Variants in HEATR5A observed in about 807,000 individuals in gnomAD.
The protein encoded by HEATR5A is HEAT repeat containing 5A.
In HEATR5A, 178 loss-of-function variants were observed where a neutral mutation model predicts 218.8. The ratio of observed to expected loss-of-function variants is 0.81; its 90% CI spans 0.72 to 0.92. The LOEUF (loss-of-function observed/expected upper bound fraction) is 0.92. HEATR5A is among the 40% of genes least tolerant of loss of function. HEATR5A has a pLI of 0.00. For missense variants in HEATR5A, 2,420 were observed against 2,418.9 expected (o/e 1.00, Z -0.01); for synonymous variants, 864 against 871.6 (o/e 0.99, Z 0.15).
intron 22 of HEATR5A, among the ~76,000 whole-genome samples, chr14:31,326,864 C>G (rs565762056): frequency 1.8e-4 from 28 of 151,748 alleles, no homozygotes; most frequent in African/African-American, 5.3e-4. Flanking sequence ...AGGCTGGTCT[C>G]AAATTCCTGA....
chr14:31,384,216 G>T (rs991499544), intron 9 of HEATR5A, among the ~76,000 whole-genome samples: 1 of 152,124 alleles, frequency 6.6e-6, no homozygotes, highest in Admixed American at 6.6e-5. Flanking sequence ...GCCAAGGCAG[G>T]CAGACTGCCT....
chr14:31,307,381 C>T (rs1284221550), intron 30 of HEATR5A, among the ~76,000 whole-genome samples: 1 of 152,170 alleles, frequency 6.6e-6, no homozygotes, highest in Non-Finnish European at 1.5e-5. Context: ...TACAGGAACC[C>T]TTTTCCCATG....
intron 1 of HEATR5A, among the ~76,000 whole-genome samples, chr14:31,406,138 T>G (rs2031052316): frequency 6.6e-6 from 1 of 152,190 alleles, no homozygotes; most frequent in African/African-American, 2.4e-5. Context: ...GAATACAAAT[T>G]CAGTCAATGT....
chr14:31,409,507 C>G (rs557775214), intron 1 of HEATR5A, among the ~76,000 whole-genome samples: 1 of 152,098 alleles, frequency 6.6e-6, no homozygotes, highest in Non-Finnish European at 1.5e-5. Flanking sequence ...CATGACCAAC[C>G]TGGGCAACAT....
intron 33 of HEATR5A, among the ~76,000 whole-genome samples, chr14:31,300,991 G>C (rs540012439): frequency 2.6e-5 from 4 of 152,176 alleles, no homozygotes; most frequent in African/African-American, 9.6e-5. Flanking sequence ...AATTCTTAAC[G>C]TAATAATCAC....
intron 16 of HEATR5A, among the ~76,000 whole-genome samples, chr14:31,356,072 C>T (rs1901416111): frequency 6.6e-6 from 1 of 152,136 alleles, no homozygotes; most frequent in African/African-American, 2.4e-5. Context: ...AAGCAAACAG[C>T]CTGATATTTT....
At chr14:31,401,253 AG>A (rs1329226665) in intron 2 of HEATR5A, among the ~76,000 whole-genome samples, 2 of 152,052 alleles carry the variant, frequency 1.3e-5, no homozygotes, top group East Asian at 3.8e-4. Flanking sequence ...GATTAGATCA[AG>A]GGGGTGGATT....
intron 22 of HEATR5A, among the ~76,000 whole-genome samples, chr14:31,329,767 C>A (rs917742370): frequency 6.6e-6 from 1 of 152,180 alleles, no homozygotes; most frequent in African/African-American, 2.4e-5. Flanking sequence ...GTCTAGAGTG[C>A]AATGGCATGG....
intron 1 of HEATR5A, among the ~76,000 whole-genome samples, chr14:31,412,102 C>T (rs1441903716): frequency 3.9e-5 from 6 of 152,028 alleles, no homozygotes; most frequent in East Asian, 1.9e-4. Flanking sequence ...GTGATCTGCC[C>T]GTCTTGGCCT....
At chr14:31,360,435 T>A (rs1359756707) in intron 14 of HEATR5A, among the ~76,000 whole-genome samples, 1 of 152,160 alleles carries the variant, frequency 6.6e-6, no homozygotes. Flanking sequence ...AGTTCATAAG[T>A]GGTATTGTGT....
At chr14:31,388,276 A>AG (rs1347948687) in intron 7 of HEATR5A, among the ~76,000 whole-genome samples, 1 of 152,188 alleles carries the variant, frequency 6.6e-6, no homozygotes, top group Non-Finnish European at 1.5e-5. Context: ...CAAAAATACA[A>AG]GTTTGCTTTG....
chr14:31,313,330 T>A (rs1899816262), intron 27 of HEATR5A, 140 bp from the exon 28 acceptor site: 1 of 646,014 alleles, frequency 1.5e-6, no homozygotes, highest in Admixed American at 2.9e-5. Context: ...AGAAGGCCTG[T>A]CTGTGTAACT....
At chr14:31,361,393 T>G (rs1595137094) in intron 14 of HEATR5A, among the ~76,000 whole-genome samples, 2 of 152,162 alleles carry the variant, frequency 1.3e-5, no homozygotes, top group South Asian at 4.1e-4. Flanking sequence ...TGGACAGGGA[T>G]CAGTGAAGTC....
intron 13 of HEATR5A, among the ~76,000 whole-genome samples, chr14:31,367,569 ATTTTTTT>A (rs567217496): frequency 3.3e-5 from 2 of 60,296 alleles, no homozygotes; most frequent in East Asian, 5.9e-4. Context: ...TGCCCAGCTA[ATTTTTTT>A]TTTTTTTTTT....
intron 24 of HEATR5A, 145 bp from the exon 25 acceptor site, chr14:31,321,825 A>G (rs1162973891): frequency 6.3e-6 from 4 of 636,776 alleles, no homozygotes; most frequent in Non-Finnish European, 1.1e-5. Context: ...TTTGTTAAAT[A>G]GAGACTTTAA....
At chr14:31,364,351 A>G in intron 13 of HEATR5A, 53 bp from the exon 14 acceptor site, 1 of 786,554 alleles carries the variant, frequency 1.3e-6, no homozygotes, top group Middle Eastern at 3.2e-4. Flanking sequence ...ATAACAATAT[A>G]CAAAAATTGA....
chr14:31,373,820 C>T (rs906459748), intron 12 of HEATR5A, among the ~76,000 whole-genome samples: 2 of 151,958 alleles, frequency 1.3e-5, no homozygotes, highest in Non-Finnish European at 2.9e-5. Context: ...GCATCTGCCC[C>T]CAGTGAGAGA....
At chr14:31,397,952 T>A (rs745888618) in intron 4 of HEATR5A, among the ~76,000 whole-genome samples, 3 of 152,180 alleles carry the variant, frequency 2.0e-5, no homozygotes, top group Admixed American at 6.5e-5. Flanking sequence ...CATGTCCATG[T>A]TTTTATATTT....
At chr14:31,373,534 T>C (rs1023521522) in intron 12 of HEATR5A, among the ~76,000 whole-genome samples, 1 of 152,134 alleles carries the variant, frequency 6.6e-6, no homozygotes, top group Non-Finnish European at 1.5e-5. Flanking sequence ...TTTCACCATG[T>C]TGTCTGGGCT....
Sources: gnomAD v4.1 joint callset for allele counts (sites outside exome capture counted in the v4.1 genomes callset) on GRCh38, gnomAD v4.1.1 for gene constraint, MANE v1.5 for transcripts, NCBI Gene and HGNC (gene_info 2026-07-23, HGNC 2026-07-21) for gene names.